The following SLC24A2 variants were observed in gnomAD, a reference collection of about 807,000 sequenced individuals.
The protein encoded by SLC24A2 is solute carrier family 24 member 2.
A neutral mutation model predicts 62.0 loss-of-function variants in SLC24A2; 36 were observed. The observed-to-expected ratio is 0.58, with a 90% CI of 0.44 to 0.77. The LOEUF (loss-of-function observed/expected upper bound fraction) is 0.77, where lower values mean the gene tolerates loss of function less well. SLC24A2 is among the 30% of genes least tolerant of loss of function. SLC24A2 has a pLI of 0.00. For synonymous variants in SLC24A2, 358 were observed against 294.0 expected (o/e 1.22, Z -2.23); for missense variants, 846 against 817.9 (o/e 1.03, Z -0.42).
At chr9:19,694,515 C>G (rs377551663) in intron 2 of SLC24A2, among the ~76,000 whole-genome samples, 1 of 151,834 alleles carries the variant, frequency 6.6e-6, no homozygotes, top group Non-Finnish European at 1.5e-5. Context: ...AACTAGCAGG[C>G]GAAAGACTTT....
At chr9:19,760,415 C>T (rs1822283165) in intron 2 of SLC24A2, among the ~76,000 whole-genome samples, 1 of 152,032 alleles carries the variant, frequency 6.6e-6, no homozygotes, top group African/African-American at 2.4e-5. Flanking sequence ...ATGTGCAGAA[C>T]GTGCAGGTTT....
chr9:19,903,420 A>G, the SLC24A2 span, among the ~76,000 whole-genome samples: 3 of 152,140 alleles, frequency 2.0e-5, no homozygotes, highest in Non-Finnish European at 4.4e-5. Flanking sequence ...AGATCTAATT[A>G]TCTCCCAAAG....
the SLC24A2 span, among the ~76,000 whole-genome samples, chr9:20,003,064 C>T: frequency 1.3e-5 from 2 of 152,174 alleles, no homozygotes; most frequent in Non-Finnish European, 2.9e-5. Context: ...TTCTGCCTGC[C>T]TATTTGGCAT....
At chr9:20,111,820 C>T in the SLC24A2 span, among the ~76,000 whole-genome samples, 1 of 152,002 alleles carries the variant, frequency 6.6e-6, no homozygotes, top group Non-Finnish European at 1.5e-5. Flanking sequence ...GCTTCTCCAG[C>T]CCTTCTTTCA....
the SLC24A2 span, among the ~76,000 whole-genome samples, chr9:20,279,278 C>A: frequency 6.6e-6 from 1 of 152,186 alleles, no homozygotes; most frequent in Non-Finnish European, 1.5e-5. Flanking sequence ...TGCCTGTAAT[C>A]CCAGCACTTT....
intron 2 of SLC24A2, among the ~76,000 whole-genome samples, chr9:19,759,303 C>A (rs1393420220): frequency 6.6e-6 from 1 of 152,176 alleles, no homozygotes; most frequent in African/African-American, 2.4e-5. Context: ...AGCCCATCAA[C>A]AGATGGTGCC....
intron 5 of SLC24A2, among the ~76,000 whole-genome samples, chr9:19,593,591 T>G (rs1350453177): frequency 6.6e-6 from 1 of 152,166 alleles, no homozygotes; most frequent in Non-Finnish European, 1.5e-5. Context: ...TAGAAAGAAA[T>G]GCTTTCTTCA....
the SLC24A2 span, among the ~76,000 whole-genome samples, chr9:20,190,007 G>C: frequency 6.6e-6 from 1 of 152,160 alleles, no homozygotes; most frequent in African/African-American, 2.4e-5. Context: ...CAGGAGGAAT[G>C]ACAGCTTAAT....
chr9:20,288,502 C>T, the SLC24A2 span, among the ~76,000 whole-genome samples: 2 of 152,144 alleles, frequency 1.3e-5, no homozygotes, highest in African/African-American at 4.8e-5. Context: ...GGTGCGGTGA[C>T]TCATGCCTGT....
At chr9:20,054,928 G>T in the SLC24A2 span, among the ~76,000 whole-genome samples, 1 of 152,182 alleles carries the variant, frequency 6.6e-6, no homozygotes, top group Non-Finnish European at 1.5e-5. Context: ...TAAAAAACAA[G>T]TGATGACATA....
intron 4 of SLC24A2, among the ~76,000 whole-genome samples, chr9:19,603,510 G>A (rs182237551): frequency 8.6e-5 from 13 of 151,796 alleles, no homozygotes; most frequent in East Asian, 7.7e-4. Context: ...GGAGGGAGGG[G>A]GGCACTAAGG....
At chr9:19,674,668 T>C (rs927964388) in intron 2 of SLC24A2, among the ~76,000 whole-genome samples, 1 of 152,238 alleles carries the variant, frequency 6.6e-6, no homozygotes, top group Non-Finnish European at 1.5e-5. Flanking sequence ...GACTTTCCAG[T>C]GCATTTTGCA....
intron 2 of SLC24A2, among the ~76,000 whole-genome samples, chr9:19,655,355 C>T (rs908944330): frequency 1.4e-4 from 22 of 152,196 alleles, no homozygotes; most frequent in African/African-American, 5.1e-4. Context: ...CTGATCCATT[C>T]GCATTCTAAA....
At chr9:19,869,588 G>C in the SLC24A2 span, among the ~76,000 whole-genome samples, 2 of 151,820 alleles carry the variant, frequency 1.3e-5, no homozygotes, top group African/African-American at 4.8e-5. Context: ...TTTTTTAGTG[G>C]TTTCTGTACA....
At chr9:19,861,602 C>A in the SLC24A2 span, among the ~76,000 whole-genome samples, 2 of 152,076 alleles carry the variant, frequency 1.3e-5, no homozygotes, top group African/African-American at 2.4e-5. Context: ...CACCATGGAT[C>A]AATCCCAGAG....
At chr9:19,843,137 T>A in the SLC24A2 span, among the ~76,000 whole-genome samples, 202 of 152,208 alleles carry the variant, frequency 1.3e-3, 2 homozygotes, top group African/African-American at 4.6e-3. Context: ...AGGTTTTTTT[T>A]AAAAAAGCTA....
At chr9:20,108,035 G>GCA in the SLC24A2 span, among the ~76,000 whole-genome samples, 65 of 152,244 alleles carry the variant, frequency 4.3e-4, no homozygotes, top group East Asian at 0.01. Flanking sequence ...AAAAGTGGTT[G>GCA]AAGGACATGA....
chr9:20,007,813 T>G, the SLC24A2 span, among the ~76,000 whole-genome samples: 8 of 151,304 alleles, frequency 5.3e-5, no homozygotes, highest in Admixed American at 1.3e-4. Flanking sequence ...AAGCTTGATG[T>G]GTATTTTAAG....
intron 2 of SLC24A2, among the ~76,000 whole-genome samples, chr9:19,638,385 G>T (rs981074322): frequency 6.6e-6 from 1 of 152,136 alleles, no homozygotes; most frequent in Admixed American, 6.5e-5. Context: ...TATTGCCAAC[G>T]GATATTCATT....
Sources: allele counts gnomAD v4.1 joint callset (sites outside exome capture counted in the v4.1 genomes callset), GRCh38; gene constraint gnomAD v4.1.1; transcripts MANE v1.5; gene names NCBI Gene and HGNC (gene_info 2026-07-23, HGNC 2026-07-21).